TMEM232: variants seen among roughly 807,000 people sequenced by gnomAD.
TMEM232 encodes transmembrane protein 232.
A neutral mutation model predicts 78.8 loss-of-function variants in TMEM232; 80 were observed. The ratio of observed to expected loss-of-function variants is 1.01; its 90% confidence interval spans 0.85 to 1.22. The LOEUF (loss-of-function observed/expected upper bound fraction) is 1.22. TMEM232 is among the 50% of genes most tolerant of loss of function. TMEM232 has a pLI of 0.00. For missense variants in TMEM232, 881 were observed against 742.2 expected (o/e 1.19, Z -2.17); for synonymous variants, 297 against 254.3 (o/e 1.17, Z -1.60).
intron 11 of TMEM232, among the ~76,000 whole-genome samples, chr5:110,547,506 C>A (rs1195414122): frequency 1.3e-5 from 2 of 152,072 alleles, no homozygotes; most frequent in African/African-American, 4.8e-5. Context: ...CTAGTGCAGA[C>A]ATGCTAATAC....
intron 7 of TMEM232, among the ~76,000 whole-genome samples, chr5:110,623,463 A>G (rs1784036756): frequency 6.6e-6 from 1 of 152,170 alleles, no homozygotes; most frequent in African/African-American, 2.4e-5. Context: ...TAATATACTA[A>G]AACAATCATA....
intron 12 of TMEM232, among the ~76,000 whole-genome samples, chr5:110,436,964 A>T (rs576874440): frequency 2.0e-5 from 3 of 151,844 alleles, no homozygotes; most frequent in South Asian, 4.2e-4. Context: ...AAACTTTAGA[A>T]TTTTTTTTCA....
At position 110,650,318 on chromosome 5, in the gene TMEM232, C is replaced by A. The variant is rs112436965; in HGVS notation, c.126-7947G>T. On this transcript the variant is annotated intron_variant, in intron 2 of 13. Transcript: ENST00000455884. ...TAAATTTTTATACTTCTATTTTTAA[C>A]ATATTCAGAATTTCAAAATGTTGAG... 6.6e-3 allele frequency among the ~76,000 whole-genome samples: 1,004 copies of A among 152,054 alleles called. 11 individuals carry two copies. Among genetic ancestry groups the A allele is most frequent in the African/African-American group, 0.023 (939 of 41,492 alleles).
At chr5:110,613,083 A>T (rs1432323867) in intron 8 of TMEM232, among the ~76,000 whole-genome samples, 1 of 151,994 alleles carries the variant, frequency 6.6e-6, no homozygotes, top group East Asian at 1.9e-4. Context: ...TCTTTACTTC[A>T]TTGGCTTTTA....
chr5:110,456,324 A>T (rs554880028), intron 12 of TMEM232, among the ~76,000 whole-genome samples: 2 of 152,022 alleles, frequency 1.3e-5, no homozygotes, highest in Non-Finnish European at 2.9e-5. Context: ...AACATAAAAT[A>T]TGTTACATAT....
chr5:110,710,324 A>T (rs1443602997), intron 1 of TMEM232, among the ~76,000 whole-genome samples: 1 of 152,146 alleles, frequency 6.6e-6, no homozygotes, highest in Non-Finnish European at 1.5e-5. Context: ...CAAACATTTA[A>T]AGAAGAATAC....
At chr5:110,712,057 G>A (rs749410716) in intron 1 of TMEM232, among the ~76,000 whole-genome samples, 3 of 145,268 alleles carry the variant, frequency 2.1e-5, no homozygotes, top group Non-Finnish European at 4.5e-5. Context: ...AGCAGAGATC[G>A]TGACACTGCA....
intron 6 of TMEM232, chr5:110,625,658 T>C (rs1237069529): frequency 3.8e-6 from 1 of 262,868 alleles, no homozygotes; most frequent in Non-Finnish European, 7.1e-6. Flanking sequence ...AGGACAGCAA[T>C]TTCATAATCA....
In TMEM232 at chr5:110,432,355, C is replaced by T. The variant is rs556816681; in HGVS notation, c.1704-7439G>A. On this transcript the variant is annotated intron_variant, in intron 12 of 13. Transcript: ENST00000455884. Reference sequence around the variant, plus strand: ...TAGCATTCTGAAAGAAAATAAATGCCAGTAAAGAATTTCAAATCCTGCCAA... The same window carrying T: ...TAGCATTCTGAAAGAAAATAAATGCTAGTAAAGAATTTCAAATCCTGCCAA... Among the ~76,000 whole-genome samples the T allele has an allele frequency of 2.0e-5, 3 of 151,720 alleles. No individual in the cohort carries two copies. The South Asian group carries it at 6.2e-4, about 31-fold the overall frequency.
At chr5:110,620,591 C>G (rs1004791576) in intron 7 of TMEM232, among the ~76,000 whole-genome samples, 8 of 69,370 alleles carry the variant, frequency 1.2e-4, no homozygotes, top group South Asian at 4.1e-4. Flanking sequence ...CTCTCTCTCT[C>G]TCTCTCTCTC....
At chr5:110,704,345 C>A (rs1795716001) in intron 1 of TMEM232, among the ~76,000 whole-genome samples, 1 of 152,026 alleles carries the variant, frequency 6.6e-6, no homozygotes, top group Non-Finnish European at 1.5e-5. Context: ...AAAGAAAACT[C>A]CAACACCTGA....
intron 10 of TMEM232, among the ~76,000 whole-genome samples, chr5:110,604,507 G>A (rs931267947): frequency 3.3e-5 from 5 of 152,002 alleles, no homozygotes; most frequent in Admixed American, 2.0e-4. Flanking sequence ...GAGGAAAGAA[G>A]ATAAATCCTA....
At position 110,641,109 on chromosome 5, in the gene TMEM232, G is replaced by A. The variant is rs1003870813; in HGVS notation, c.238-113C>T. ...AGTCATTCTATGAAGCTAATGCTTG[G>A]TGGCCAGAGTTGTATACAATTTTAT... On this transcript the variant is annotated intron_variant, in intron 3 of 13. Coordinates refer to ENST00000455884, the MANE Select transcript of TMEM232 (RefSeq NM_001039763.4). 5.5e-4 allele frequency: 334 copies of A among 611,552 alleles called. 1 individual carries two copies. Among genetic ancestry groups the A allele is most frequent in the Non-Finnish European group, 7.5e-5 (30 of 401,634 alleles). The allele number at this position is 611,552 out of a possible 1,614,324, so 37.9% of individuals were successfully genotyped here.
At chr5:110,513,483 A>G in intron 12 of TMEM232, among the ~76,000 whole-genome samples, 1 of 152,090 alleles carries the variant, frequency 6.6e-6, no homozygotes, top group Non-Finnish European at 1.5e-5. Context: ...GAACACCAAA[A>G]AAGGGGAAAA....
rs116711938 is a variant in TMEM232 at position 110,633,276 on chromosome 5, C to T, written c.501+4922G>A. 7.3e-3 allele frequency among the ~76,000 whole-genome samples: 1,105 copies of T among 152,036 alleles called. 13 individuals carry two copies. Among genetic ancestry groups the T allele is most frequent in the African/African-American group, 0.025 (1,026 of 41,472 alleles). On this transcript the variant is annotated intron_variant, in intron 5 of 13. Transcript: ENST00000455884. ...GAAGAGGAAAGATGATAGTTATTAT[C>T]ATGAAAACATACGAAAGTATAAAAC...
rs894958671 is a variant in TMEM232, at chr5:110,648,250, C to T, written c.126-5879G>A. Among the ~76,000 whole-genome samples, 30 of 152,058 alleles carry T rather than the reference C, an allele frequency of 2.0e-4. 1 individual carries two copies. Among genetic ancestry groups the T allele is most frequent in the Admixed American group, 7.2e-4 (11 of 15,240 alleles). On this transcript the variant is annotated intron_variant, in intron 2 of 13. Coordinates refer to ENST00000455884, the MANE Select transcript of TMEM232 (RefSeq NM_001039763.4). ...GTTAACACTTAAAAGAATGCCAATA[C>T]CAGAAATTGAAGAGAATATGGAGTA...
At chr5:110,650,481 A>G (rs1788154538) in intron 2 of TMEM232, among the ~76,000 whole-genome samples, 1 of 152,136 alleles carries the variant, frequency 6.6e-6, no homozygotes, top group South Asian at 2.1e-4. Flanking sequence ...CAAAATCAAC[A>G]TCAGCAGTGA....
At chr5:110,493,096 A>C (rs1272197120) in intron 12 of TMEM232, among the ~76,000 whole-genome samples, 1 of 151,852 alleles carries the variant, frequency 6.6e-6, no homozygotes, top group African/African-American at 2.4e-5. Flanking sequence ...ACAACAAAAC[A>C]CCCATACAAG....
At chr5:110,699,080 A>C (rs1795154087) in intron 1 of TMEM232, among the ~76,000 whole-genome samples, 1 of 147,248 alleles carries the variant, frequency 6.8e-6, no homozygotes, top group African/African-American at 2.5e-5. Context: ...CAAAACAAAA[A>C]CAAACAAACA....
Sources: allele counts gnomAD v4.1 joint callset (sites outside exome capture counted in the v4.1 genomes callset), GRCh38; gene constraint gnomAD v4.1.1; transcripts MANE v1.5; gene names NCBI Gene and HGNC (gene_info 2026-07-23, HGNC 2026-07-21).